The following IMMP2L variants were observed in gnomAD, a reference collection of about 807,000 sequenced individuals.
The protein encoded by IMMP2L is inner mitochondrial membrane peptidase subunit 2.
In IMMP2L, 18 loss-of-function variants were observed where a neutral mutation model predicts 19.3. That is an observed-to-expected ratio of 0.93 (90% confidence interval 0.64 to 1.38). The LOEUF (loss-of-function observed/expected upper bound fraction) is 1.38, where lower values mean the gene tolerates loss of function less well. Among genes scored for constraint, IMMP2L ranks in the 40% most tolerant of loss-of-function variants. The pLI is 0.00. For missense variants in IMMP2L, 233 were observed against 218.2 expected, an observed-to-expected ratio of 1.07 and a Z score of -0.43; for synonymous variants, 76 against 73.0, an observed-to-expected ratio of 1.04 and a Z score of -0.21.
chr7:110,834,661 CTT>C (rs1804272196), intron 5 of IMMP2L, among the ~76,000 whole-genome samples: 1 of 152,102 alleles, frequency 6.6e-6, no homozygotes, highest in Middle Eastern at 3.2e-3. Flanking sequence ...CAATCAAAAA[CTT>C]AACTCTTGAG....
intron 3 of IMMP2L, among the ~76,000 whole-genome samples, chr7:111,466,568 T>C (rs1304838394): frequency 6.6e-6 from 1 of 152,132 alleles, no homozygotes; most frequent in Non-Finnish European, 1.5e-5. Context: ...TGTTACTGTA[T>C]AAAATGGCCC....
At chr7:111,268,569 C>CTCTTTTTTTTTTT (rs1818083564) in intron 3 of IMMP2L, among the ~76,000 whole-genome samples, 3 of 44,562 alleles carry the variant, frequency 6.7e-5, no homozygotes, top group African/African-American at 3.1e-4. Flanking sequence ...TCACATTTCT[C>CTCTTTTTTTTTTT]TTTTTTTTTT....
chr7:110,836,393 T>C (rs989580793), intron 5 of IMMP2L, among the ~76,000 whole-genome samples: 12 of 152,156 alleles, frequency 7.9e-5, no homozygotes, highest in South Asian at 2.1e-4. Flanking sequence ...TAGGAGGTAA[T>C]TGAATGATAG....
chr7:111,555,514 C>T (rs899067499), intron 1 of IMMP2L, among the ~76,000 whole-genome samples: 8 of 151,944 alleles, frequency 5.3e-5, no homozygotes, highest in Non-Finnish European at 1.0e-4. Flanking sequence ...CAACATCTCC[C>T]TTTCTATGGT....
chr7:111,157,145 G>T (rs116647418), intron 3 of IMMP2L, among the ~76,000 whole-genome samples: 7,922 of 152,040 alleles, frequency 0.052, 379 homozygotes, highest in African/African-American at 0.12. Flanking sequence ...AATTAGTACC[G>T]CCACTACAGC....
chr7:111,026,850 T>C (rs939474868), intron 3 of IMMP2L, among the ~76,000 whole-genome samples: 2 of 152,166 alleles, frequency 1.3e-5, no homozygotes, highest in African/African-American at 4.8e-5. Context: ...TGTAGTGTAA[T>C]GTGGGGGTAG....
chr7:111,489,029 C>T (rs1842880027), intron 2 of IMMP2L, among the ~76,000 whole-genome samples: 1 of 144,416 alleles, frequency 6.9e-6, no homozygotes, highest in Non-Finnish European at 1.5e-5. Context: ...TTCATGTCCT[C>T]AATCCACTTT....
chr7:111,077,846 T>C lies in IMMP2L; in HGVS notation c.240-114281A>G, dbSNP rs562484325. ...CTCTTTGTTCATTACTCATGCACACTGGCCTTTTTCTGTCCCTAGGATATG... is the reference window on the plus strand; with the variant it reads ...CTCTTTGTTCATTACTCATGCACACCGGCCTTTTTCTGTCCCTAGGATATG... On this transcript the variant is annotated intron_variant, in intron 3 of 5. Coordinates refer to ENST00000405709, the MANE Select transcript of IMMP2L (RefSeq NM_032549.4). 9.8e-5 allele frequency among the ~76,000 whole-genome samples: 15 copies of C among 152,328 alleles called. 1 individual carries two copies. In the East Asian group the frequency reaches 2.7e-3, roughly 27 times the overall value.
At chr7:111,330,622 T>C (rs1287730664) in intron 3 of IMMP2L, among the ~76,000 whole-genome samples, 9 of 151,618 alleles carry the variant, frequency 5.9e-5, no homozygotes, top group Admixed American at 5.3e-4. Flanking sequence ...TCAAACAACA[T>C]ACACAAGTAA....
chr7:111,556,862 G>A (rs979524039), intron 1 of IMMP2L, among the ~76,000 whole-genome samples: 7 of 152,030 alleles, frequency 4.6e-5, no homozygotes, highest in African/African-American at 9.7e-5. Context: ...CTCTTGTGAT[G>A]TTCCAGGATC....
At chr7:110,932,041 A>G (rs1380159126) in intron 4 of IMMP2L, among the ~76,000 whole-genome samples, 2 of 152,094 alleles carry the variant, frequency 1.3e-5, no homozygotes, top group Non-Finnish European at 2.9e-5. Context: ...AAACCAGTCA[A>G]TGGCTAGCCC....
At chr7:111,306,606 CTGTGTGTGTGTGTGTGTGTGTGTGTG>C (rs71147473) in intron 3 of IMMP2L, among the ~76,000 whole-genome samples, 1 of 136,118 alleles carries the variant, frequency 7.3e-6, no homozygotes, top group African/African-American at 2.7e-5. Flanking sequence ...TCACTGGACT[CTGTGTGTGTGTGTGTGTGTGTGTGTG>C]TGTGTGTGTG....
chr7:111,069,472 C>T (rs1367261727), intron 3 of IMMP2L, among the ~76,000 whole-genome samples: 1 of 152,006 alleles, frequency 6.6e-6, no homozygotes, highest in Non-Finnish European at 1.5e-5. Flanking sequence ...GTGGGTACTA[C>T]CTAGGGTCTT....
intron 3 of IMMP2L, among the ~76,000 whole-genome samples, chr7:111,310,858 T>C (rs2130273484): frequency 6.6e-6 from 1 of 152,252 alleles, no homozygotes; most frequent in East Asian, 1.9e-4. Flanking sequence ...AGAACACATC[T>C]AGAAGAGTAT....
intron 5 of IMMP2L, among the ~76,000 whole-genome samples, chr7:110,772,787 G>C (rs889666213): frequency 1.3e-5 from 2 of 152,100 alleles, no homozygotes; most frequent in Non-Finnish European, 2.9e-5. Flanking sequence ...CCTGGGTGTG[G>C]AGCACTGGAC....
chr7:110,802,856 G>A (rs956917704), intron 5 of IMMP2L, among the ~76,000 whole-genome samples: 1 of 152,070 alleles, frequency 6.6e-6, no homozygotes, highest in African/African-American at 2.4e-5. Flanking sequence ...GGCACATAGT[G>A]CAATGGTTCA....
intron 3 of IMMP2L, among the ~76,000 whole-genome samples, chr7:111,418,374 TG>T (rs1835147574): frequency 6.6e-6 from 1 of 151,844 alleles, no homozygotes. Flanking sequence ...GTAATCTCTA[TG>T]TATTCCTTTC....
chr7:111,064,759 A>G (rs1794337956), intron 3 of IMMP2L, among the ~76,000 whole-genome samples: 1 of 152,174 alleles, frequency 6.6e-6, no homozygotes, highest in South Asian at 2.1e-4. Context: ...TCAACAGGCT[A>G]AGAAGGGGGT....
chr7:111,018,964 C>T lies in IMMP2L; in HGVS notation c.240-55399G>A, dbSNP rs923864314. 3.3e-5 allele frequency among the ~76,000 whole-genome samples: 5 copies of T among 151,846 alleles called. 1 individual carries two copies. The highest frequency in any genetic ancestry group is 2.0e-4 in the Admixed American group (3 of 15,238). ...AAATCAGTTAATTAAGACAAATTGT[C>T]GACTGAGTTAGTGAACATATTCAAG... On this transcript the variant is annotated intron_variant, in intron 3 of 5. Transcript: ENST00000405709.
Sources: allele counts gnomAD v4.1 joint callset (sites outside exome capture counted in the v4.1 genomes callset), GRCh38; gene constraint gnomAD v4.1.1; transcripts MANE v1.5; gene names NCBI Gene and HGNC (gene_info 2026-07-23, HGNC 2026-07-21).